The following ODR4 variants were observed in gnomAD, a reference collection of about 807,000 sequenced individuals.
ODR4 encodes protein odr-4 homolog.
A neutral mutation model predicts 60.2 loss-of-function variants in ODR4; 47 were observed. The ratio of observed to expected loss-of-function variants is 0.78; its 90% confidence interval spans 0.62 to 1.00. The LOEUF (loss-of-function observed/expected upper bound fraction) is 1.00. ODR4 is among the 50% of genes least tolerant of loss of function. ODR4 has a pLI of 0.00. For missense variants in ODR4, 488 were observed against 530.8 expected, an observed-to-expected ratio of 0.92 and a Z score of 0.79; for synonymous variants, 178 against 175.5, an observed-to-expected ratio of 1.01 and a Z score of -0.11.
chr1:186,408,959 C>G (rs1292534062), intron 12 of ODR4, among the ~76,000 whole-genome samples: 1 of 151,898 alleles, frequency 6.6e-6, no homozygotes, highest in Non-Finnish European at 1.5e-5. Flanking sequence ...AGTATATAGA[C>G]TAGTTTAAGA....
chr1:186,409,126 G>A (rs906124358), intron 12 of ODR4, among the ~76,000 whole-genome samples: 16 of 150,892 alleles, frequency 1.1e-4, no homozygotes, highest in South Asian at 8.3e-4. Flanking sequence ...ATTAGCTGTA[G>A]AAGTTTCAAT....
At chr1:186,402,344 CTTTCCTTTTCCT>C (rs1180916732) in intron 11 of ODR4, among the ~76,000 whole-genome samples, 2 of 148,996 alleles carry the variant, frequency 1.3e-5, no homozygotes, top group Non-Finnish European at 3.0e-5. Context: ...ACTTCCTCTC[CTTTCCTTTTCCT>C]TTTCCTTTTC....
intron 12 of ODR4, among the ~76,000 whole-genome samples, chr1:186,406,655 A>G (rs1463544422): frequency 6.6e-6 from 1 of 151,948 alleles, no homozygotes; most frequent in Non-Finnish European, 1.5e-5. Context: ...TTAAAACACT[A>G]ATTTATTAAA....
chr1:186,427,995 A>T, the ODR4 span, among the ~76,000 whole-genome samples: 3 of 152,236 alleles, frequency 2.0e-5, no homozygotes, highest in East Asian at 3.9e-4. Flanking sequence ...TCATTGGTAG[A>T]GCATGGACAA....
At chr1:186,431,055 A>G in the ODR4 span, among the ~76,000 whole-genome samples, 1 of 152,292 alleles carries the variant, frequency 6.6e-6, no homozygotes, top group Non-Finnish European at 1.5e-5. Context: ...TGGAGAGGAT[A>G]CACTTTAAAG....
intron 4 of ODR4, among the ~76,000 whole-genome samples, chr1:186,387,966 T>C (rs1023608686): frequency 1.3e-5 from 2 of 152,238 alleles, no homozygotes; most frequent in African/African-American, 4.8e-5. Context: ...AAATGCTAAA[T>C]GGGTGACATG....
intron 11 of ODR4, among the ~76,000 whole-genome samples, chr1:186,402,332 C>T (rs1052254270): frequency 3.3e-5 from 5 of 149,366 alleles, no homozygotes; most frequent in African/African-American, 9.9e-5. Context: ...TCCTCTTCCT[C>T]TACTTCCTCT....
At chr1:186,411,159 G>A (rs1661369028) in intron 12 of ODR4, among the ~76,000 whole-genome samples, 1 of 152,078 alleles carries the variant, frequency 6.6e-6, no homozygotes, top group Non-Finnish European at 1.5e-5. Flanking sequence ...CAAAGGAAAT[G>A]TTCATTAGAG....
In ODR4 at chr1:186,391,840, A is replaced by G. The variant is rs753461633; in HGVS notation, c.711+49A>G. 5 of 1,133,498 alleles carry G rather than the reference A, an allele frequency of 4.4e-6. No homozygotes were observed. In the East Asian group the frequency reaches 1.2e-4, roughly 28 times the overall value. The allele number at this position is 1,133,498 out of a possible 1,614,324, so 70.2% of individuals were successfully genotyped here. Reference sequence around the variant, plus strand: ...ATTAAATTGTTAGTGCTTAAGGAAAAATAAAACATGACTTATTTTTAGTCC... The same window carrying G: ...ATTAAATTGTTAGTGCTTAAGGAAAGATAAAACATGACTTATTTTTAGTCC... On this transcript the variant is annotated intron_variant, in intron 8 of 13. Transcript: ENST00000287859.
At chr1:186,408,141 A>G (rs956251319) in intron 12 of ODR4, among the ~76,000 whole-genome samples, 1 of 152,026 alleles carries the variant, frequency 6.6e-6, no homozygotes, top group African/African-American at 2.4e-5. Flanking sequence ...TATTAATCCT[A>G]TTTTCCAGAT....
At chr1:186,382,778 A>G (rs1660090008) in intron 2 of ODR4, among the ~76,000 whole-genome samples, 1 of 152,252 alleles carries the variant, frequency 6.6e-6, no homozygotes, top group African/African-American at 2.4e-5. Context: ...AGTTGTCCAA[A>G]TAAATAAGAA....
rs1432322431 is a variant in ODR4, at chr1:186,386,074, C to T, written c.321C>T (p.Ala107=). Residue 107 remains alanine, a synonymous_variant, in exon 4 of 14, where the codon GCC becomes GCT. Coordinates refer to ENST00000287859, the MANE Select transcript of ODR4 (RefSeq NM_017847.6). ...TLELANDFQN[A]LRRLMFAVEK... Reference sequence around the variant, plus strand: ...AACTGGCAAATGATTTTCAAAATGCCCTGCGTAGAGTAAGTTTGATATATC... The same window carrying T: ...AACTGGCAAATGATTTTCAAAATGCTCTGCGTAGAGTAAGTTTGATATATC... The T allele has an allele frequency of 6.3e-7, 1 of 1,582,644 alleles. No individual in the cohort carries two copies. The highest frequency in any genetic ancestry group is 8.6e-7 in the Non-Finnish European group (1 of 1,160,110).
At chr1:186,409,189 T>C (rs1210139522) in intron 12 of ODR4, among the ~76,000 whole-genome samples, 2 of 144,830 alleles carry the variant, frequency 1.4e-5, no homozygotes, top group Non-Finnish European at 3.0e-5. Context: ...TAGGACCCTG[T>C]CTCAAAAAAA....
chr1:186,389,774 T>A, intron 6 of ODR4, 150 bp downstream of exon 6: 1 of 602,414 alleles, frequency 1.7e-6, no homozygotes, highest in Non-Finnish European at 2.8e-6. Flanking sequence ...ATATGATTAA[T>A]TTTATTACAG....
the ODR4 span, among the ~76,000 whole-genome samples, chr1:186,427,923 G>A: frequency 2.0e-5 from 3 of 152,176 alleles, no homozygotes; most frequent in Admixed American, 2.0e-4. Context: ...TTTCAACAGT[G>A]GGCTTAAAAT....
rs967550979 is a variant in ODR4 at position 186,420,873 on chromosome 1, A to G, written c.*1797A>G. 6.6e-6 allele frequency: 1 copy of G among 152,204 alleles called. No homozygotes were observed. Among genetic ancestry groups the G allele is most frequent in the Non-Finnish European group, 1.5e-5 (1 of 68,036 alleles). 9.4% of individuals were successfully genotyped at this position (152,204 alleles called of 1,614,324 possible). On this transcript the variant is annotated 3_prime_UTR_variant, in exon 14 of 14. Coordinates refer to ENST00000287859, the MANE Select transcript of ODR4 (RefSeq NM_017847.6). ...AATTTTACAAATTTGTTGGAAAAAC[A>G]TGAATTCATAAATTCAGGAAGCACA...
In ODR4 at chr1:186,393,934, T is replaced by C. The variant is rs1266061736; in HGVS notation, c.712-13T>C. 2.0e-6 allele frequency: 3 copies of C among 1,466,720 alleles called. No homozygotes were observed. The highest frequency in any genetic ancestry group is 1.9e-6 in the Non-Finnish European group (2 of 1,072,754). The allele number at this position is 1,466,720 out of a possible 1,614,324, so 90.9% of individuals were successfully genotyped here. A position where few individuals can be genotyped will look rare whatever the true frequency, so the allele number is the denominator to read the frequency against. ...CTTCACAGTTTGGCTTTTTAACTTT[T>C]GTGTTTTTTCAGAAAAAATCTTCTA... On this transcript the variant is annotated splice_polypyrimidine_tract_variant and intron_variant, in intron 8 of 13. Coordinates refer to ENST00000287859, the MANE Select transcript of ODR4 (RefSeq NM_017847.6).
chr1:186,384,785 T>C (rs1660189707), intron 3 of ODR4, among the ~76,000 whole-genome samples: 1 of 152,186 alleles, frequency 6.6e-6, no homozygotes. Context: ...AAAACTTTAT[T>C]TGTCAGAATT....
chr1:186,427,381 A>G, the ODR4 span, among the ~76,000 whole-genome samples: 2 of 152,216 alleles, frequency 1.3e-5, no homozygotes, highest in African/African-American at 2.4e-5. Context: ...AGTAGGTTCT[A>G]TCTCCAGAAG....
Sources: gnomAD v4.1 joint callset for allele counts (sites outside exome capture counted in the v4.1 genomes callset) on GRCh38, gnomAD v4.1.1 for gene constraint, MANE v1.5 for transcripts, NCBI Gene and HGNC (gene_info 2026-07-23, HGNC 2026-07-21) for gene names.